The following MALRD1 variants were observed in gnomAD, a reference collection of about 807,000 sequenced individuals.
MALRD1 encodes MAM and LDL-receptor class A domain-containing protein 1.
MALRD1 carries 247 observed loss-of-function variants against 242.1 expected under a neutral mutation model. That is an observed-to-expected ratio of 1.02 (90% CI 0.92 to 1.13). The LOEUF is 1.13. Ranked by LOEUF, MALRD1 falls within the 50% of genes most tolerant of loss-of-function variation. The pLI, the probability that MALRD1 is intolerant of heterozygous loss-of-function variation, is 0.00. For synonymous variants in MALRD1, 995 were observed against 866.6 expected (o/e 1.15, Z -2.60); for missense variants, 2,989 against 2,533.1 (o/e 1.18, Z -3.86).
chr10:19,546,530 G>A (rs1835214520), intron 32 of MALRD1, among the ~76,000 whole-genome samples: 1 of 152,152 alleles, frequency 6.6e-6, no homozygotes, highest in South Asian at 2.1e-4. Flanking sequence ...AATCAACCTG[G>A]CTCTTCTGGA....
rs576486762 is a variant in MALRD1, at chr10:19,239,456, C to T, written c.2992-18228C>T. Among the ~76,000 whole-genome samples the T allele has an allele frequency of 4.1e-4, 63 of 152,236 alleles. No individual in the cohort carries two copies. In the South Asian group the frequency reaches 0.013, roughly 31 times the overall value. ...TATCCCATTCTGTAAGTTGTCTTTT[C>T]ACTCTGTTAAGTTTCCTTTGCTGTG... is the stretch of plus-strand genomic sequence containing the variant. On this transcript the variant is annotated intron_variant, in intron 18 of 39. Coordinates refer to ENST00000454679, the MANE Select transcript of MALRD1 (RefSeq NM_001142308.3).
chr10:19,472,435 C>T (rs1374426706), intron 29 of MALRD1, among the ~76,000 whole-genome samples: 2 of 151,900 alleles, frequency 1.3e-5, no homozygotes, highest in Non-Finnish European at 1.5e-5. Flanking sequence ...GAAGTATTTC[C>T]TCCTCTTCAG....
intron 14 of MALRD1, among the ~76,000 whole-genome samples, chr10:19,181,185 A>G (rs920631749): frequency 3.3e-5 from 5 of 152,204 alleles, no homozygotes; most frequent in African/African-American, 1.2e-4. Flanking sequence ...AAACTACCCT[A>G]TGATTTAGCA....
intron 31 of MALRD1, among the ~76,000 whole-genome samples, chr10:19,507,933 C>T (rs1833213982): frequency 6.6e-6 from 1 of 152,068 alleles, no homozygotes; most frequent in African/African-American, 2.4e-5. Context: ...TTTTTTGAGG[C>T]ACTATTCTAG....
At chr10:19,377,320 A>G (rs1845650192) in intron 26 of MALRD1, among the ~76,000 whole-genome samples, 1 of 152,200 alleles carries the variant, frequency 6.6e-6, no homozygotes, top group African/African-American at 2.4e-5. Flanking sequence ...GTAAAAAATA[A>G]TATAACATTT....
At chr10:19,510,432 T>C (rs1564401803) in intron 31 of MALRD1, among the ~76,000 whole-genome samples, 1 of 152,200 alleles carries the variant, frequency 6.6e-6, no homozygotes, top group Non-Finnish European at 1.5e-5. Context: ...CCTTGGACAA[T>C]ACCTGGCTTT....
intron 32 of MALRD1, among the ~76,000 whole-genome samples, chr10:19,543,429 A>ATTTTTTTT (rs1364193801): frequency 2.3e-5 from 1 of 43,908 alleles, no homozygotes; most frequent in South Asian, 6.6e-4. Context: ...TGCCCAGCTG[A>ATTTTTTTT]TTTCTTTTTT....
intron 36 of MALRD1, among the ~76,000 whole-genome samples, chr10:19,679,522 A>G (rs893213345): frequency 3.3e-5 from 5 of 151,576 alleles, no homozygotes; most frequent in African/African-American, 1.2e-4. Context: ...CATCATTTTT[A>G]TTGTGTCTAT....
intron 32 of MALRD1, among the ~76,000 whole-genome samples, chr10:19,547,993 C>CT (rs765509925): frequency 0.014 from 928 of 65,760 alleles, 51 homozygotes; most frequent in African/African-American, 0.025. Context: ...TATCACTATA[C>CT]TTTTTTTTTT....
At chr10:19,140,543 A>G (rs199999055) in intron 10 of MALRD1, among the ~76,000 whole-genome samples, 3,888 of 147,214 alleles carry the variant, frequency 0.026, 169 homozygotes, top group Middle Eastern at 0.049. Context: ...GTGTGTGTGT[A>G]TGTGTGTGTG....
At chr10:19,468,442 T>C (rs1836333908) in intron 29 of MALRD1, among the ~76,000 whole-genome samples, 1 of 152,196 alleles carries the variant, frequency 6.6e-6, no homozygotes, top group South Asian at 2.1e-4. Flanking sequence ...ATTTTATCAC[T>C]CATTAATGTT....
At chr10:19,460,042 G>C (rs576551345) in intron 29 of MALRD1, among the ~76,000 whole-genome samples, 1 of 152,006 alleles carries the variant, frequency 6.6e-6, no homozygotes, top group East Asian at 1.9e-4. Context: ...TAGGATCTAG[G>C]TCAGTAGGAC....
intron 2 of MALRD1, among the ~76,000 whole-genome samples, chr10:19,080,976 A>C (rs928698986): frequency 6.6e-6 from 1 of 152,162 alleles, no homozygotes; most frequent in African/African-American, 2.4e-5. Context: ...ACACTTCTCA[A>C]AGAAAACATT....
At chr10:19,049,164 T>G (rs1314041812) in intron 1 of MALRD1, 27 bp downstream of exon 1, 29 of 1,233,344 alleles carry the variant, frequency 2.4e-5, no homozygotes, top group Non-Finnish European at 2.9e-5. Flanking sequence ...TTTCTCCAAT[T>G]TCAATTCCCC....
At chr10:19,343,304 C>T (rs1385243343) in intron 24 of MALRD1, among the ~76,000 whole-genome samples, 1 of 151,846 alleles carries the variant, frequency 6.6e-6, no homozygotes, top group Non-Finnish European at 1.5e-5. Context: ...TACTATGTAC[C>T]CTTCATGCAT....
chr10:19,086,145 C>T (rs1835661586), intron 2 of MALRD1, among the ~76,000 whole-genome samples: 1 of 151,958 alleles, frequency 6.6e-6, no homozygotes, highest in Non-Finnish European at 1.5e-5. Flanking sequence ...TCAGTTATGT[C>T]TCTGACTATA....
rs908543138 is a variant in MALRD1, at chr10:19,305,808, A to G, written c.3420-18141A>G. Among the ~76,000 whole-genome samples, 3 of 137,936 alleles carry G rather than the reference A, an allele frequency of 2.2e-5. No homozygotes were observed. The Admixed American group carries it at 2.3e-4, about 11-fold the overall frequency. 90.5% of individuals were successfully genotyped at this position (137,936 alleles called of 152,430 possible). On this transcript the variant is annotated intron_variant, in intron 21 of 39. Transcript: ENST00000454679. ...ATTATATATATACCATATATATACT[A>G]TCTATTATGTATATACTATATATAC...
At chr10:19,727,466 C>G (rs1283498160) in intron 38 of MALRD1, among the ~76,000 whole-genome samples, 1 of 152,136 alleles carries the variant, frequency 6.6e-6, no homozygotes, top group Non-Finnish European at 1.5e-5. Context: ...CTGCATTGAT[C>G]TAGGTCTCTT....
chr10:19,243,312 A>G (rs1464280701), intron 18 of MALRD1, among the ~76,000 whole-genome samples: 2 of 152,144 alleles, frequency 1.3e-5, no homozygotes, highest in Non-Finnish European at 2.9e-5. Context: ...TCAATTATTT[A>G]ATGGCAGCAT....
Sources: gnomAD v4.1 joint callset for allele counts (sites outside exome capture counted in the v4.1 genomes callset) on GRCh38, gnomAD v4.1.1 for gene constraint, MANE v1.5 for transcripts, NCBI Gene and HGNC (gene_info 2026-07-23, HGNC 2026-07-21) for gene names.